Variants in LOXL2 observed in about 807,000 individuals in gnomAD.
LOXL2 encodes lysyl oxidase like 2, also known as lysyl oxidase homolog 2.
Under a neutral mutation model 93.0 loss-of-function variants are expected in LOXL2, and 70 were observed. The ratio of observed to expected loss-of-function variants is 0.75; its 90% CI spans 0.62 to 0.92. The LOEUF is 0.92. Among genes scored for constraint, LOXL2 ranks in the 40% least tolerant of loss-of-function variants. LOXL2 has a pLI of 0.00. For synonymous variants in LOXL2, 438 were observed against 413.2 expected (o/e 1.06, Z -0.73); for missense variants, 973 against 1,054.9 (o/e 0.92, Z 1.08).
chr8:23,328,485 G>T lies in LOXL2; in HGVS notation c.1047C>A (p.Thr349=), dbSNP rs146789742. Residue 349 remains threonine, a synonymous_variant, in exon 6 of 14, where the codon ACC becomes ACA. Transcript: ENST00000389131. ...VEVLKNGEWG[T]VCDDKWDLVS... ...CCAGGTCCCACTTGTCGTCGCAGAC[G>T]GTCCCCCATTCTCCATTTTTGAGCA... 200 of 1,614,082 alleles carry T rather than the reference G, an allele frequency of 1.2e-4. 3 individuals are homozygous for T. The African/African-American group carries it at 2.3e-3, about 18-fold the overall frequency.
chr8:23,322,028 T>C, intron 7 of LOXL2, 102 bp downstream of exon 7: 5 of 1,262,372 alleles, frequency 4.0e-6, no homozygotes, highest in Non-Finnish European at 5.6e-6. Context: ...GCAGCAGTAC[T>C]AGCAGCAGCA....
At chr8:23,368,845 G>T (rs1804455370) in intron 1 of LOXL2, among the ~76,000 whole-genome samples, 1 of 152,178 alleles carries the variant, frequency 6.6e-6, no homozygotes, top group Non-Finnish European at 1.5e-5. Flanking sequence ...CTGGCAGAGG[G>T]AGCTGTCTCT....
At chr8:23,326,447 T>G (rs1035803400) in intron 6 of LOXL2, among the ~76,000 whole-genome samples, 5 of 152,168 alleles carry the variant, frequency 3.3e-5, no homozygotes, top group Non-Finnish European at 7.4e-5. Context: ...AGTAAATGAC[T>G]GCAGGGATAG....
intron 1 of LOXL2, among the ~76,000 whole-genome samples, chr8:23,387,924 G>A (rs938409694): frequency 6.6e-6 from 1 of 152,118 alleles, no homozygotes; most frequent in Admixed American, 6.5e-5. Flanking sequence ...ACTCCAGCCC[G>A]GGCGACAAGA....
intron 3 of LOXL2, among the ~76,000 whole-genome samples, chr8:23,346,350 C>T (rs911387629): frequency 6.6e-6 from 1 of 152,130 alleles, no homozygotes; most frequent in African/African-American, 2.4e-5. Flanking sequence ...AAGCTTCCCT[C>T]CAAGAAAGAC....
chr8:23,340,465 C>T (rs7828979), intron 4 of LOXL2, among the ~76,000 whole-genome samples: 27,772 of 152,142 alleles, frequency 0.18, 2,633 homozygotes, highest in Middle Eastern at 0.22. Flanking sequence ...TTAACCTTAG[C>T]GATCATCACA....
intron 4 of LOXL2, among the ~76,000 whole-genome samples, chr8:23,333,902 AAAT>A (rs566357122): frequency 6.6e-6 from 1 of 152,226 alleles, no homozygotes; most frequent in Non-Finnish European, 1.5e-5. Flanking sequence ...CAATGTGGTG[AAAT>A]AATAATAATA....
chr8:23,333,402 T>C lies in LOXL2; in HGVS notation c.965A>G (p.Glu322Gly). 6.2e-7 allele frequency: 1 copy of C among 1,613,706 alleles called. No homozygotes were observed. Among genetic ancestry groups the C allele is most frequent in the South Asian group, 1.1e-5 (1 of 91,080 alleles). The change falls in exon 5 of 14, where the codon GAG becomes GGG. Residue 322 changes from glutamate to glycine, a missense_variant and splice_region_variant. Transcript: ENST00000389131. ...PSRFRKAYKPEQPLVRLRGGA... is the reference protein window; with the variant it reads ...PSRFRKAYKPGQPLVRLRGGA... ...CCACACCTCGTGCCCCGTCCTCACC[T>C]CTGGCTTGTACGCTTTCCGGAATCT... is the stretch of plus-strand genomic sequence containing the variant.
intron 4 of LOXL2, chr8:23,336,917 A>T (rs1249939110): frequency 6.6e-6 from 1 of 152,196 alleles, no homozygotes; most frequent in Non-Finnish European, 1.5e-5. Context: ...GCAGGCTACG[A>T]GGGTGCTTCC....
At chr8:23,376,789 C>T (rs1377587409) in intron 1 of LOXL2, among the ~76,000 whole-genome samples, 1 of 152,090 alleles carries the variant, frequency 6.6e-6, no homozygotes, top group Non-Finnish European at 1.5e-5. Flanking sequence ...GGCGATATCC[C>T]CTTTATCATT....
At chr8:23,341,544 C>T (rs372708621) in intron 3 of LOXL2, 10 of 379,910 alleles carry the variant, frequency 2.6e-5, no homozygotes, top group African/African-American at 1.0e-4. Context: ...GCACAGGCCT[C>T]GAAATAAATG....
chr8:23,395,877 T>A (rs1800082677), intron 1 of LOXL2, among the ~76,000 whole-genome samples: 1 of 152,056 alleles, frequency 6.6e-6, no homozygotes. Context: ...TTTTACCCTG[T>A]TGCCCAGGCT....
At chr8:23,383,885 C>A (rs946644897) in intron 1 of LOXL2, among the ~76,000 whole-genome samples, 1 of 152,024 alleles carries the variant, frequency 6.6e-6, no homozygotes, top group Non-Finnish European at 1.5e-5. Flanking sequence ...TGGTCTCGAT[C>A]TGCTGACCTC....
rs1416665519 is a variant in LOXL2 at position 23,368,363 on chromosome 8, G to A, written c.-12C>T. 1 of 1,606,870 alleles carries A rather than the reference G, an allele frequency of 6.2e-7. No individual in the cohort carries two copies. On this transcript the variant is annotated 5_prime_UTR_variant, in exon 2 of 14. Coordinates refer to ENST00000389131, the MANE Select transcript of LOXL2 (RefSeq NM_002318.3). ...AGAGGCCTCTCCATCCCTGTCTTCGGGCTGATGATCCCACGAAGGGGCCCT... is the reference window on the plus strand; with the variant it reads ...AGAGGCCTCTCCATCCCTGTCTTCGAGCTGATGATCCCACGAAGGGGCCCT...
chr8:23,333,693 G>A, intron 4 of LOXL2, 70 bp from the exon 5 acceptor site: 2 of 1,276,286 alleles, frequency 1.6e-6, no homozygotes, highest in South Asian at 2.6e-5. Flanking sequence ...CTGCAACGAG[G>A]CAGAACATGA....
At chr8:23,397,830 G>A (rs1470281669) in intron 1 of LOXL2, among the ~76,000 whole-genome samples, 4 of 149,996 alleles carry the variant, frequency 2.7e-5, no homozygotes, top group African/African-American at 4.9e-5. Context: ...GCATAGTGGT[G>A]CATGCCTGTA....
intron 4 of LOXL2, 47 bp downstream of exon 4, chr8:23,340,945 G>A: frequency 6.6e-7 from 1 of 1,522,392 alleles, no homozygotes; most frequent in Non-Finnish European, 9.1e-7. Flanking sequence ...ACTCTTTTAG[G>A]CAGGGCGGAT....
chr8:23,387,969 C>CT (rs1285936251), intron 1 of LOXL2, among the ~76,000 whole-genome samples: 1 of 152,040 alleles, frequency 6.6e-6, no homozygotes, highest in East Asian at 1.9e-4. Flanking sequence ...AACAAAAAAA[C>CT]TTTTTTAAGG....
intron 1 of LOXL2, among the ~76,000 whole-genome samples, chr8:23,392,006 C>T (rs1010978910): frequency 2.0e-5 from 3 of 152,212 alleles, no homozygotes; most frequent in African/African-American, 4.8e-5. Flanking sequence ...ATGTGAGGCT[C>T]ATGACAGCAG....
Sources: gnomAD v4.1 joint callset for allele counts (sites outside exome capture counted in the v4.1 genomes callset) on GRCh38, gnomAD v4.1.1 for gene constraint, MANE v1.5 for transcripts, NCBI Gene and HGNC (gene_info 2026-07-23, HGNC 2026-07-21) for gene names.